DNAI4: variants seen among roughly 807,000 people sequenced by gnomAD.
DNAI4 encodes WD repeat domain 78.
In DNAI4, 85 loss-of-function variants were observed where a neutral mutation model predicts 105.8. The ratio of observed to expected loss-of-function variants is 0.80; its 90% CI spans 0.67 to 0.96. The LOEUF is 0.96. Among genes scored for constraint, DNAI4 ranks in the 40% least tolerant of loss-of-function variants. DNAI4 has a pLI of 0.00. For missense variants in DNAI4, 1,014 were observed against 1,005.6 expected (o/e 1.01, Z -0.11); for synonymous variants, 352 against 331.5 (o/e 1.06, Z -0.67).
At chr1:66,836,169 A>AAAGAAAGAAAGAAAGAAAG (rs1491315881) in intron 10 of DNAI4, among the ~76,000 whole-genome samples, 16 of 53,412 alleles carry the variant, frequency 3.0e-4, no homozygotes, top group African/African-American at 1.0e-3. Flanking sequence ...AGAAAGAAAG[A>AAAGAAAGAAAGAAAGAAAG]AAGAAAGAAA....
intron 7 of DNAI4, among the ~76,000 whole-genome samples, chr1:66,858,167 C>G (rs1569596122): frequency 6.6e-6 from 1 of 151,836 alleles, no homozygotes; most frequent in African/African-American, 2.4e-5. Context: ...CTAGCATTAC[C>G]CTAACTCCAA....
At chr1:66,833,810 A>G (rs1219993360) in intron 12 of DNAI4, 104 bp from the exon 13 acceptor site, 1 of 1,456,350 alleles carries the variant, frequency 6.9e-7, no homozygotes, top group East Asian at 2.3e-5. Context: ...AGTTCTGCCA[A>G]CTTTTGCATG....
At chr1:66,829,218 A>G (rs893164296) in intron 13 of DNAI4, among the ~76,000 whole-genome samples, 45 of 152,376 alleles carry the variant, frequency 3.0e-4, no homozygotes, top group African/African-American at 1.1e-3. Flanking sequence ...AAACCTAACC[A>G]TACTAATAAT....
At chr1:66,823,032 G>C (rs1645667213) in intron 15 of DNAI4, among the ~76,000 whole-genome samples, 1 of 151,910 alleles carries the variant, frequency 6.6e-6, no homozygotes, top group Non-Finnish European at 1.5e-5. Flanking sequence ...AGCATTAAGT[G>C]TATCTCCCAA....
At chr1:66,818,846 G>C (rs1645570188) in intron 16 of DNAI4, among the ~76,000 whole-genome samples, 1 of 152,166 alleles carries the variant, frequency 6.6e-6, no homozygotes, top group African/African-American at 2.4e-5. Flanking sequence ...CTGGGAGGCA[G>C]AGGTTGCAGT....
rs917254338 is a variant in DNAI4, at chr1:66,918,498, A to G, written c.170+6164T>C. Among the ~76,000 whole-genome samples, 5 of 152,224 alleles carry G rather than the reference A, an allele frequency of 3.3e-5. 1 individual carries two copies. In the Middle Eastern group the frequency reaches 0.01, roughly 311 times the overall value. ...CCTGTGAACTGAAGCCAGACAACTT[A>G]AACTTCAGAAGAAAATAAACAGCAA... On this transcript the variant is annotated intron_variant, in intron 1 of 16. Coordinates refer to ENST00000371026, the MANE Select transcript of DNAI4 (RefSeq NM_024763.5).
At chr1:66,846,644 C>A (rs1010430256) in intron 8 of DNAI4, among the ~76,000 whole-genome samples, 3 of 152,110 alleles carry the variant, frequency 2.0e-5, no homozygotes, top group African/African-American at 7.2e-5. Context: ...ACACTTTGAG[C>A]TTTGTAATTT....
chr1:66,835,993 G>T (rs1645978865), intron 10 of DNAI4, among the ~76,000 whole-genome samples: 1 of 151,386 alleles, frequency 6.6e-6, no homozygotes, highest in Non-Finnish European at 1.5e-5. Context: ...GCACTCAATG[G>T]CTTTAAGAAA....
At chr1:66,833,207 C>T (rs959507284) in intron 13 of DNAI4, among the ~76,000 whole-genome samples, 5 of 151,976 alleles carry the variant, frequency 3.3e-5, no homozygotes, top group African/African-American at 1.2e-4. Flanking sequence ...ACTTACAAAG[C>T]ACAATTTTAA....
At chr1:66,850,142 CAAAA>C (rs34423900) in intron 7 of DNAI4, among the ~76,000 whole-genome samples, 2 of 129,456 alleles carry the variant, frequency 1.5e-5, no homozygotes, top group Non-Finnish European at 1.6e-5. Flanking sequence ...AACAGAAGAC[CAAAA>C]AAAAAAAAAA....
At chr1:66,876,592 G>GT (rs1646963880) in intron 4 of DNAI4, among the ~76,000 whole-genome samples, 1 of 152,002 alleles carries the variant, frequency 6.6e-6, no homozygotes, top group Non-Finnish European at 1.5e-5. Flanking sequence ...CTGGAGTTCT[G>GT]TATCACCCAT....
At chr1:66,827,939 G>T in intron 13 of DNAI4, 29 bp from the exon 14 acceptor site, 1 of 1,381,882 alleles carries the variant, frequency 7.2e-7, no homozygotes, top group Non-Finnish European at 1.0e-6. Flanking sequence ...AAATGCATTG[G>T]CTTGTGATAC....
intron 7 of DNAI4, among the ~76,000 whole-genome samples, chr1:66,855,257 C>T (rs1354219885): frequency 1.3e-5 from 2 of 152,234 alleles, no homozygotes; most frequent in Non-Finnish European, 2.9e-5. Flanking sequence ...TCCCTAGTAA[C>T]CACAATAAAG....
chr1:66,817,194 T>C lies in DNAI4; in HGVS notation c.2497-3014A>G, dbSNP rs369656139. On this transcript the variant is annotated intron_variant, in intron 16 of 16. Coordinates refer to ENST00000371026, the MANE Select transcript of DNAI4 (RefSeq NM_024763.5). Reference sequence around the variant, plus strand: ...TTGGGTTGTTTTCAATTTGTCAGTATACAAACAAGGCTACTATAAACATTG... The same window carrying C: ...TTGGGTTGTTTTCAATTTGTCAGTACACAAACAAGGCTACTATAAACATTG... Among the ~76,000 whole-genome samples the C allele has an allele frequency of 5.9e-5, 9 of 152,332 alleles. No individual in the cohort carries two copies. The South Asian group carries it at 1.9e-3, about 32-fold the overall frequency.
At chr1:66,845,190 C>CAAAAAAAAAAAAAAAAAAAAAA (rs59265844) in intron 8 of DNAI4, among the ~76,000 whole-genome samples, 1 of 106,326 alleles carries the variant, frequency 9.4e-6, no homozygotes. Flanking sequence ...AACTCCATCT[C>CAAAAAAAAAAAAAAAAAAAAAA]AAAAAAAAAA....
chr1:66,872,376 A>G (rs940674752), intron 5 of DNAI4, among the ~76,000 whole-genome samples: 7 of 151,906 alleles, frequency 4.6e-5, no homozygotes, highest in African/African-American at 1.7e-4. Flanking sequence ...CTACTGGCAT[A>G]AGCCACCACG....
chr1:66,910,109 A>G (rs1370143491), intron 1 of DNAI4, among the ~76,000 whole-genome samples: 1 of 152,184 alleles, frequency 6.6e-6, no homozygotes, highest in Non-Finnish European at 1.5e-5. Flanking sequence ...GTACTTTGGA[A>G]GATTGAGACA....
chr1:66,919,999 G>C (rs1405005394), intron 1 of DNAI4, among the ~76,000 whole-genome samples: 1 of 152,148 alleles, frequency 6.6e-6, no homozygotes, highest in Non-Finnish European at 1.5e-5. Context: ...CCCTGGCGAG[G>C]GCCCCACCCT....
At chr1:66,850,052 T>C (rs909361095) in intron 7 of DNAI4, among the ~76,000 whole-genome samples, 4 of 147,842 alleles carry the variant, frequency 2.7e-5, no homozygotes, top group South Asian at 2.1e-4. Context: ...ATAGCAAACA[T>C]ATTCAAGAAA....
Sources: allele counts gnomAD v4.1 joint callset (sites outside exome capture counted in the v4.1 genomes callset), GRCh38; gene constraint gnomAD v4.1.1; transcripts MANE v1.5; gene names NCBI Gene and HGNC (gene_info 2026-07-23, HGNC 2026-07-21).